PABPC4L: variants seen among roughly 807,000 people sequenced by gnomAD.
The protein encoded by PABPC4L is polyadenylate-binding protein 4-like.
For synonymous variants in PABPC4L, 169 were observed against 164.1 expected, an observed-to-expected ratio of 1.03 and a Z score of -0.23; for missense variants, 452 against 451.4, an observed-to-expected ratio of 1.00 and a Z score of -0.01.
the PABPC4L span, among the ~76,000 whole-genome samples, chr4:134,111,463 TGACATA>T: frequency 6.6e-6 from 1 of 152,074 alleles, no homozygotes; most frequent in East Asian, 1.9e-4. Context: ...TATGTAACTG[TGACATA>T]TTAAGTGTTA....
chr4:133,966,460 T>G, the PABPC4L span, among the ~76,000 whole-genome samples: 1 of 152,184 alleles, frequency 6.6e-6, no homozygotes, highest in African/African-American at 2.4e-5. Flanking sequence ...ACTGAGTATC[T>G]GCCCAGAGAA....
the PABPC4L span, among the ~76,000 whole-genome samples, chr4:134,143,846 T>A: frequency 1.3e-5 from 2 of 151,538 alleles, no homozygotes; most frequent in Non-Finnish European, 3.0e-5. Context: ...TTTATAGTGA[T>A]CTCTGTTTTT....
the PABPC4L span, among the ~76,000 whole-genome samples, chr4:134,133,685 C>T: frequency 4.6e-5 from 7 of 151,438 alleles, no homozygotes; most frequent in South Asian, 2.1e-4. Context: ...GGGGTCTCTG[C>T]GGAAAGGGTG....
At chr4:133,970,390 A>T in the PABPC4L span, among the ~76,000 whole-genome samples, 1 of 152,070 alleles carries the variant, frequency 6.6e-6, no homozygotes, top group Non-Finnish European at 1.5e-5. Context: ...CTCATCCACA[A>T]TTATATCTTA....
At chr4:133,978,366 G>A in the PABPC4L span, among the ~76,000 whole-genome samples, 1 of 152,146 alleles carries the variant, frequency 6.6e-6, no homozygotes, top group African/African-American at 2.4e-5. Context: ...CCACCAATTT[G>A]GGAGGCCAAG....
chr4:134,145,053 C>A, the PABPC4L span, among the ~76,000 whole-genome samples: 3 of 151,628 alleles, frequency 2.0e-5, no homozygotes, highest in Non-Finnish European at 3.0e-5. Context: ...TTTGCAGACC[C>A]AAATAAGTAA....
At chr4:134,014,037 C>A in the PABPC4L span, among the ~76,000 whole-genome samples, 1 of 152,102 alleles carries the variant, frequency 6.6e-6, no homozygotes, top group Non-Finnish European at 1.5e-5. Context: ...TATCTCAAAT[C>A]AGATAGTGTT....
the PABPC4L span, among the ~76,000 whole-genome samples, chr4:134,067,386 AT>A: frequency 6.6e-6 from 1 of 151,812 alleles, no homozygotes; most frequent in Non-Finnish European, 1.5e-5. Context: ...CCTTTTATTC[AT>A]TTTTGATTGT....
chr4:133,978,358 A>G, the PABPC4L span, among the ~76,000 whole-genome samples: 1 of 152,178 alleles, frequency 6.6e-6, no homozygotes, highest in Non-Finnish European at 1.5e-5. Context: ...CTGTCATCCC[A>G]CCAATTTGGG....
At chr4:133,957,228 C>A in the PABPC4L span, among the ~76,000 whole-genome samples, 1 of 152,120 alleles carries the variant, frequency 6.6e-6, no homozygotes, top group African/African-American at 2.4e-5. Context: ...GCAGTAGAGG[C>A]AGTGGGTAAA....
the PABPC4L span, among the ~76,000 whole-genome samples, chr4:134,008,637 G>A: frequency 0.31 from 46,318 of 151,510 alleles, 7,471 homozygotes; most frequent in Admixed American, 0.39. Context: ...ACATAAATAC[G>A]GAGATATAGT....
the PABPC4L span, among the ~76,000 whole-genome samples, chr4:134,092,058 A>G: frequency 6.6e-6 from 1 of 152,014 alleles, no homozygotes; most frequent in South Asian, 2.1e-4. Flanking sequence ...TTTATGGAGC[A>G]TTGAGACTGT....
At chr4:134,177,836 T>C in the PABPC4L span, among the ~76,000 whole-genome samples, 1 of 152,016 alleles carries the variant, frequency 6.6e-6, no homozygotes, top group South Asian at 2.1e-4. Context: ...CAGCCTCCTG[T>C]TGTCCCAGGA....
chr4:134,084,695 A>C, the PABPC4L span, among the ~76,000 whole-genome samples: 1 of 152,282 alleles, frequency 6.6e-6, no homozygotes, highest in South Asian at 2.1e-4. Context: ...TCAGAAGGAA[A>C]GATCAGAGAA....
chr4:134,167,427 T>C, the PABPC4L span, among the ~76,000 whole-genome samples: 1 of 151,592 alleles, frequency 6.6e-6, no homozygotes. Flanking sequence ...ATAATAATAA[T>C]AAATAAATAA....
chr4:134,120,363 T>C, the PABPC4L span, among the ~76,000 whole-genome samples: 214 of 149,690 alleles, frequency 1.4e-3, no homozygotes, highest in African/African-American at 4.9e-3. Flanking sequence ...TTATTGATAA[T>C]TAATTTAATA....
At chr4:134,031,450 A>G in the PABPC4L span, among the ~76,000 whole-genome samples, 1 of 151,998 alleles carries the variant, frequency 6.6e-6, no homozygotes, top group Non-Finnish European at 1.5e-5. Flanking sequence ...TATTACTCAC[A>G]GTAAATTGAA....
chr4:134,100,521 C>T, the PABPC4L span, among the ~76,000 whole-genome samples: 91 of 151,718 alleles, frequency 6.0e-4, no homozygotes, highest in Non-Finnish European at 1.1e-3. Flanking sequence ...TGATTCAATG[C>T]GTGTGCTGAG....
the PABPC4L span, among the ~76,000 whole-genome samples, chr4:134,130,730 G>A: frequency 1.3e-5 from 2 of 151,708 alleles, no homozygotes; most frequent in Non-Finnish European, 2.9e-5. Context: ...AAAACTATAG[G>A]CCAATATCCC....
Sources: allele counts gnomAD v4.1 joint callset (sites outside exome capture counted in the v4.1 genomes callset), GRCh38; gene constraint gnomAD v4.1.1; transcripts MANE v1.5; gene names NCBI Gene and HGNC (gene_info 2026-07-23, HGNC 2026-07-21).